The following KCND2 variants were observed in gnomAD, a reference collection of about 807,000 sequenced individuals.
The protein encoded by KCND2 is potassium voltage-gated channel subfamily D member 2.
Under a neutral mutation model 54.4 loss-of-function variants are expected in KCND2, and 16 were observed. That is an observed-to-expected ratio of 0.29 (90% CI 0.20 to 0.45). The LOEUF is 0.45. KCND2 is among the 20% of genes least tolerant of loss of function. KCND2 has a pLI of 1.00. For missense variants in KCND2, 486 were observed against 824.2 expected (o/e 0.59, Z 5.02); for synonymous variants, 317 against 310.7 (o/e 1.02, Z -0.21).
chr7:120,624,121 G>T (rs1003499553), intron 1 of KCND2, among the ~76,000 whole-genome samples: 6 of 152,052 alleles, frequency 3.9e-5, no homozygotes, highest in African/African-American at 1.4e-4. Flanking sequence ...GGTTCAAAAA[G>T]GTCTTAACTA....
At chr7:120,640,586 G>A (rs1210794008) in intron 1 of KCND2, among the ~76,000 whole-genome samples, 1 of 151,846 alleles carries the variant, frequency 6.6e-6, no homozygotes, top group African/African-American at 2.4e-5. Context: ...TGTGAATGTG[G>A]TTACTACTAA....
intron 1 of KCND2, among the ~76,000 whole-genome samples, chr7:120,608,886 C>T (rs1474512727): frequency 1.3e-5 from 2 of 152,090 alleles, no homozygotes; most frequent in African/African-American, 2.4e-5. Context: ...TGCTTAAAAA[C>T]AAACAAACAA....
At chr7:120,620,319 C>G (rs1793082458) in intron 1 of KCND2, among the ~76,000 whole-genome samples, 1 of 151,750 alleles carries the variant, frequency 6.6e-6, no homozygotes, top group African/African-American at 2.4e-5. Flanking sequence ...GTTCAAGAAT[C>G]TAATTTGGAG....
chr7:120,359,103 T>C (rs1432198966), intron 1 of KCND2, among the ~76,000 whole-genome samples: 1 of 152,172 alleles, frequency 6.6e-6, no homozygotes, highest in Admixed American at 6.6e-5. Context: ...ATATTAATGG[T>C]ATTTTACAAA....
At chr7:120,457,675 G>T (rs138214937) in intron 1 of KCND2, among the ~76,000 whole-genome samples, 3 of 152,000 alleles carry the variant, frequency 2.0e-5, no homozygotes, top group Admixed American at 6.6e-5. Flanking sequence ...TGTCTTCTGC[G>T]CCCTCTAAGT....
At chr7:120,477,364 G>T (rs561591323) in intron 1 of KCND2, among the ~76,000 whole-genome samples, 19 of 152,156 alleles carry the variant, frequency 1.2e-4, no homozygotes, top group Non-Finnish European at 2.4e-4. Flanking sequence ...CCACTGTGGG[G>T]AAGATTATAA....
chr7:120,386,716 T>C (rs750384392), intron 1 of KCND2, among the ~76,000 whole-genome samples: 18 of 152,124 alleles, frequency 1.2e-4, no homozygotes, highest in Non-Finnish European at 2.1e-4. Flanking sequence ...TTCCACAAAT[T>C]TCACTGTTAT....
intron 1 of KCND2, among the ~76,000 whole-genome samples, chr7:120,312,919 C>A (rs1318532827): frequency 6.6e-6 from 1 of 152,092 alleles, no homozygotes; most frequent in Non-Finnish European, 1.5e-5. Context: ...CTGATGACAT[C>A]CTTCCCAACA....
chr7:120,423,518 G>A (rs1801658150), intron 1 of KCND2, among the ~76,000 whole-genome samples: 1 of 152,212 alleles, frequency 6.6e-6, no homozygotes. Context: ...AAGACGCATA[G>A]TTTATAGCTA....
At chr7:120,396,866 A>G (rs755851603) in intron 1 of KCND2, among the ~76,000 whole-genome samples, 4 of 151,954 alleles carry the variant, frequency 2.6e-5, no homozygotes, top group African/African-American at 4.8e-5. Context: ...TTGTTATTTT[A>G]TTGAATGACT....
At chr7:120,444,698 A>T (rs191066871) in intron 1 of KCND2, among the ~76,000 whole-genome samples, 1 of 152,280 alleles carries the variant, frequency 6.6e-6, no homozygotes, top group Non-Finnish European at 1.5e-5. Context: ...AAAACCTTAA[A>T]ACTAAAGATA....
intron 1 of KCND2, among the ~76,000 whole-genome samples, chr7:120,329,658 T>A (rs1267060856): frequency 6.6e-6 from 1 of 152,172 alleles, no homozygotes; most frequent in Non-Finnish European, 1.5e-5. Flanking sequence ...TCCTCAAGAT[T>A]TTTTTGACAA....
intron 1 of KCND2, among the ~76,000 whole-genome samples, chr7:120,684,819 A>G (rs1792181476): frequency 6.6e-6 from 1 of 152,128 alleles, no homozygotes; most frequent in Non-Finnish European, 1.5e-5. Context: ...CACAAACCCT[A>G]TTGTGAACTG....
chr7:120,588,184 A>AT (rs1238684509), intron 1 of KCND2, among the ~76,000 whole-genome samples: 1 of 152,172 alleles, frequency 6.6e-6, no homozygotes, highest in Non-Finnish European at 1.5e-5. Flanking sequence ...TTAAATCTTT[A>AT]CCCAAATAAA....
At chr7:120,366,834 G>C (rs964843371) in intron 1 of KCND2, among the ~76,000 whole-genome samples, 1 of 152,090 alleles carries the variant, frequency 6.6e-6, no homozygotes, top group Non-Finnish European at 1.5e-5. Flanking sequence ...GTGACCTTGG[G>C]TGTAATACCA....
chr7:120,397,995 G>GTATATATATATA (rs200944488), intron 1 of KCND2, among the ~76,000 whole-genome samples: 1 of 93,114 alleles, frequency 1.1e-5, no homozygotes, highest in Non-Finnish European at 2.0e-5. Flanking sequence ...GTGTGTGTGT[G>GTATATATATATA]TATATATATA....
At chr7:120,462,986 C>G (rs1240870103) in intron 1 of KCND2, among the ~76,000 whole-genome samples, 1 of 151,986 alleles carries the variant, frequency 6.6e-6, no homozygotes, top group Non-Finnish European at 1.5e-5. Flanking sequence ...ATCTGTATGT[C>G]AAGCAAAGAT....
At chr7:120,600,276 C>T (rs1309013087) in intron 1 of KCND2, among the ~76,000 whole-genome samples, 11 of 151,848 alleles carry the variant, frequency 7.2e-5, no homozygotes, top group Admixed American at 7.2e-4. Context: ...TACCAAAAAG[C>T]TTTTTTAGTC....
intron 1 of KCND2, among the ~76,000 whole-genome samples, chr7:120,398,737 A>G (rs540970267): frequency 6.6e-6 from 1 of 152,254 alleles, no homozygotes; most frequent in African/African-American, 2.4e-5. Context: ...CACCTTGCTA[A>G]GAAGTTCAGT....
Sources: gnomAD v4.1 joint callset for allele counts (sites outside exome capture counted in the v4.1 genomes callset) on GRCh38, gnomAD v4.1.1 for gene constraint, MANE v1.5 for transcripts, NCBI Gene and HGNC (gene_info 2026-07-23, HGNC 2026-07-21) for gene names.